The following UTS2 variants were observed in gnomAD, a reference collection of about 807,000 sequenced individuals.
The protein encoded by UTS2 is urotensin-2.
Under a neutral mutation model 12.6 loss-of-function variants are expected in UTS2, and 10 were observed. The ratio of observed to expected loss-of-function variants is 0.80; its 90% CI spans 0.49 to 1.35. The LOEUF (loss-of-function observed/expected upper bound fraction) is 1.35. UTS2 is among the 40% of genes most tolerant of loss of function. The probability of loss-of-function intolerance (pLI) is 0.00; values close to 1 mark genes in which losing one functional copy is unlikely to be tolerated. For missense variants in UTS2, 142 were observed against 143.2 expected, an observed-to-expected ratio of 0.99 and a Z score of 0.04; for synonymous variants, 52 against 50.0, an observed-to-expected ratio of 1.04 and a Z score of -0.17.
intron 1 of UTS2, among the ~76,000 whole-genome samples, chr1:7,851,292 A>G (rs1178636742): frequency 6.6e-6 from 1 of 150,624 alleles, no homozygotes; most frequent in Admixed American, 6.7e-5. Flanking sequence ...TTGCTTTTAG[A>G]TATTTGGGTG....
chr1:7,874,642 G>A, the UTS2 span, among the ~76,000 whole-genome samples: 1 of 152,190 alleles, frequency 6.6e-6, no homozygotes, highest in Non-Finnish European at 1.5e-5. Context: ...TGGGACCACT[G>A]CCACTGACAG....
At chr1:7,872,299 CAAAAAAAAA>C in the UTS2 span, among the ~76,000 whole-genome samples, 13 of 65,886 alleles carry the variant, frequency 2.0e-4, no homozygotes, top group South Asian at 5.6e-3. Flanking sequence ...GACTCTGTCT[CAAAAAAAAA>C]AAAAAAAAAA....
chr1:7,848,018 A>G (rs2097409652), intron 3 of UTS2, 136 bp from the exon 4 acceptor site: 1 of 670,104 alleles, frequency 1.5e-6, no homozygotes, highest in South Asian at 2.0e-5. Context: ...TCCCTGGACT[A>G]TAATTGTAAC....
chr1:7,881,384 G>T, the UTS2 span, among the ~76,000 whole-genome samples: 20 of 152,088 alleles, frequency 1.3e-4, no homozygotes, highest in Non-Finnish European at 2.9e-4. Flanking sequence ...TGTACATAGA[G>T]AAAATCTAAA....
At chr1:7,891,161 G>C in the UTS2 span, among the ~76,000 whole-genome samples, 9 of 152,198 alleles carry the variant, frequency 5.9e-5, no homozygotes, top group Non-Finnish European at 1.3e-4. Context: ...GAAGCAGAGA[G>C]TAGAATGGTG....
chr1:7,852,411 T>C (rs1197386903), intron 1 of UTS2, among the ~76,000 whole-genome samples: 1 of 152,154 alleles, frequency 6.6e-6, no homozygotes, highest in Non-Finnish European at 1.5e-5. Context: ...ACTCCCTAGT[T>C]CCCTAGTTTG....
At chr1:7,896,674 C>A in the UTS2 span, among the ~76,000 whole-genome samples, 1,107 of 151,862 alleles carry the variant, frequency 7.3e-3, 14 homozygotes, top group African/African-American at 0.025. Flanking sequence ...CAATTAGGTT[C>A]ATCAGAACCT....
chr1:7,911,145 C>T, the UTS2 span, among the ~76,000 whole-genome samples: 3 of 152,060 alleles, frequency 2.0e-5, no homozygotes, highest in South Asian at 2.1e-4. Context: ...AGGTGCACAG[C>T]GGGTGTCCCC....
At chr1:7,909,629 ATT>A in the UTS2 span, among the ~76,000 whole-genome samples, 2 of 150,114 alleles carry the variant, frequency 1.3e-5, no homozygotes, top group Non-Finnish European at 3.0e-5. Flanking sequence ...ACTATTTTAT[ATT>A]TTTTTTTGAG....
the UTS2 span, among the ~76,000 whole-genome samples, chr1:7,858,968 C>T: frequency 6.6e-6 from 1 of 152,136 alleles, no homozygotes; most frequent in Non-Finnish European, 1.5e-5. Context: ...ATTGACTTTG[C>T]CAAATATTTA....
chr1:7,887,995 C>A, the UTS2 span, among the ~76,000 whole-genome samples: 1 of 152,120 alleles, frequency 6.6e-6, no homozygotes, highest in Non-Finnish European at 1.5e-5. Context: ...AAAGATGTTA[C>A]GGGTCTTGGC....
At chr1:7,902,359 C>A in the UTS2 span, among the ~76,000 whole-genome samples, 6 of 152,066 alleles carry the variant, frequency 3.9e-5, no homozygotes, top group African/African-American at 1.4e-4. Flanking sequence ...TGGGGGAAAG[C>A]GGGAAGTCGG....
chr1:7,891,593 A>AAAGG, the UTS2 span, among the ~76,000 whole-genome samples: 1 of 149,948 alleles, frequency 6.7e-6, no homozygotes, highest in African/African-American at 2.5e-5. Context: ...AGAAAGAAAG[A>AAAGG]AAGAAAATTG....
At chr1:7,853,863 T>C (rs1638239171), upstream of UTS2, among the ~76,000 whole-genome samples, 2 of 152,230 alleles carry the variant, frequency 1.3e-5, no homozygotes, top group African/African-American at 4.8e-5. Flanking sequence ...AGCAGAGTGA[T>C]GCCAGAAGCA....
chr1:7,853,419 C>T (rs370577824), upstream of UTS2: 68 of 1,613,258 alleles, frequency 4.2e-5, no homozygotes, highest in Non-Finnish European at 5.6e-5. Flanking sequence ...AGATGAAATA[C>T]GTTGGTTTCC....
upstream of UTS2, among the ~76,000 whole-genome samples, chr1:7,856,700 C>A (rs576376318): frequency 1.1e-5 from 1 of 92,968 alleles, no homozygotes; most frequent in African/African-American, 4.3e-5. Context: ...TTTCTCAGCA[C>A]CCCCATGTGC....
chr1:7,899,723 G>A, the UTS2 span, among the ~76,000 whole-genome samples: 18,445 of 152,142 alleles, frequency 0.12, 2,475 homozygotes, highest in East Asian at 0.55. Flanking sequence ...CTATATTAAC[G>A]TAAGAAGTTA....
chr1:7,864,250 C>T, the UTS2 span, among the ~76,000 whole-genome samples: 4 of 152,210 alleles, frequency 2.6e-5, no homozygotes, highest in African/African-American at 4.8e-5. Flanking sequence ...TCTCTTGAGG[C>T]ATCTCTCCCT....
intron 2 of UTS2, among the ~76,000 whole-genome samples, chr1:7,850,010 C>A (rs1047817796): frequency 6.8e-6 from 1 of 147,590 alleles, no homozygotes; most frequent in Non-Finnish European, 1.5e-5. Flanking sequence ...TGCTCTGTTG[C>A]CCAGGCTGGA....
Sources: allele counts gnomAD v4.1 joint callset (sites outside exome capture counted in the v4.1 genomes callset), GRCh38; gene constraint gnomAD v4.1.1; transcripts MANE v1.5; gene names NCBI Gene and HGNC (gene_info 2026-07-23, HGNC 2026-07-21).